SFSWAP: variants seen among roughly 807,000 people sequenced by gnomAD.
SFSWAP encodes splicing factor, suppressor of white-apricot homolog.
In SFSWAP, 17 loss-of-function variants were observed where a neutral mutation model predicts 100.7. The observed-to-expected ratio is 0.17, with a 90% CI of 0.12 to 0.25. The LOEUF is 0.25. Among genes scored for constraint, SFSWAP ranks in the 10% least tolerant of loss-of-function variants. The probability of loss-of-function intolerance (pLI) is 1.00; values close to 1 mark genes in which losing one functional copy is unlikely to be tolerated. For synonymous variants in SFSWAP, 504 were observed against 510.1 expected, an observed-to-expected ratio of 0.99 and a Z score of 0.16; for missense variants, 1,005 against 1,262.6, an observed-to-expected ratio of 0.80 and a Z score of 3.09.
Position 131,753,202 on chromosome 12 carries a change from CG to C in SFSWAP, c.1162del (p.Asp388ThrfsTer2). On this transcript the variant is annotated frameshift_variant, in exon 8 of 18. Coordinates refer to ENST00000261674, the MANE Select transcript of SFSWAP (RefSeq NM_004592.4). LOFTEE classifies it high-confidence loss of function. ...YCLAPPPPGIDVTTYYSTLPA... is the reference protein window; with the variant it reads ...YCLAPPPPGIXVTTYYSTLPA... ...GCCTGGCGCCGCCCCCTCCCGGAAT[CG>C]ACGTGACTACTTACTACAGCACCCT... 6.2e-7 allele frequency: 1 copy of C among 1,614,196 alleles called. No individual in the cohort carries two copies.
intron 13 of SFSWAP, among the ~76,000 whole-genome samples, chr12:131,772,722 A>C (rs927704019): frequency 2.0e-5 from 3 of 152,176 alleles, no homozygotes; most frequent in Non-Finnish European, 4.4e-5. Flanking sequence ...CCTGTGTTAC[A>C]ATCAGTGTTG....
At position 131,734,168 on chromosome 12, in the gene SFSWAP, G is replaced by A. The variant is rs1411180177; in HGVS notation, c.1081+5740G>A. Among the ~76,000 whole-genome samples, 4 of 152,262 alleles carry A rather than the reference G, an allele frequency of 2.6e-5. No individual in the cohort carries two copies. Among genetic ancestry groups the A allele is most frequent in the African/African-American group, 9.6e-5 (4 of 41,472 alleles). On this transcript the variant is annotated intron_variant, in intron 7 of 17. Transcript: ENST00000261674. The surrounding 1 kb of genome is among the most constrained non-coding windows in gnomAD (Gnocchi z 4.9). ...CGCCAGGTGGCCCCTGGCACAGAGA[G>A]CGTGTTCATCGCTGGCTCCTGCCGC...
chr12:131,747,653 A>C (rs926242694), intron 7 of SFSWAP, among the ~76,000 whole-genome samples: 2 of 152,114 alleles, frequency 1.3e-5, no homozygotes, highest in East Asian at 3.8e-4. Flanking sequence ...GGCAGGACTC[A>C]GAGCTGAATC....
chr12:131,721,947 GT>G (rs1878514735), intron 4 of SFSWAP, among the ~76,000 whole-genome samples: 1 of 152,152 alleles, frequency 6.6e-6, no homozygotes, highest in African/African-American at 2.4e-5. Flanking sequence ...ATTATTATGT[GT>G]TTTTTGGCAG....
chr12:131,728,566 C>A, intron 7 of SFSWAP, 138 bp downstream of exon 7: 1 of 911,460 alleles, frequency 1.1e-6, no homozygotes, highest in Non-Finnish European at 1.6e-6. Flanking sequence ...TGCACATGGT[C>A]CCAAGGGAGA....
At chr12:131,791,771 C>T (rs904573381) in intron 15 of SFSWAP, among the ~76,000 whole-genome samples, 22 of 152,248 alleles carry the variant, frequency 1.4e-4, no homozygotes, top group African/African-American at 4.3e-4. Flanking sequence ...AGAAGGGATA[C>T]TCTTTTTTAA....
Position 131,753,214 on chromosome 12 carries a change from TTAC to T in SFSWAP, c.1177_1179del (p.Tyr393del), listed in dbSNP as rs1881822670. On this transcript the variant is annotated inframe_deletion, in exon 8 of 18. Coordinates refer to ENST00000261674, the MANE Select transcript of SFSWAP (RefSeq NM_004592.4). ...CCCCTCCCGGAATCGACGTGACTAC[TTAC>T]TACAGCACCCTTCCTGCTGGCGTGA... 6.2e-7 allele frequency: 1 copy of T among 1,614,144 alleles called. No homozygotes were observed. The highest frequency in any genetic ancestry group is 8.5e-7 in the Non-Finnish European group (1 of 1,180,014).
chr12:131,753,683 T>C (rs575313132), intron 8 of SFSWAP, among the ~76,000 whole-genome samples: 1 of 152,362 alleles, frequency 6.6e-6, no homozygotes, highest in East Asian at 1.9e-4. Flanking sequence ...GCAAAATCAG[T>C]ATGCAGTGAA....
intron 7 of SFSWAP, among the ~76,000 whole-genome samples, chr12:131,731,555 G>A (rs1879512739): frequency 6.6e-6 from 1 of 152,192 alleles, no homozygotes; most frequent in African/African-American, 2.4e-5. Flanking sequence ...GGAACTGCCT[G>A]TAATTCATGG....
intron 15 of SFSWAP, among the ~76,000 whole-genome samples, chr12:131,792,743 T>C (rs926201373): frequency 6.6e-6 from 1 of 152,240 alleles, no homozygotes; most frequent in Non-Finnish European, 1.5e-5. Context: ...TCACAAAATA[T>C]TAGCCAACTA....
At chr12:131,763,409 C>G (rs34487642) in intron 11 of SFSWAP, among the ~76,000 whole-genome samples, 3,400 of 152,274 alleles carry the variant, frequency 0.022, 63 homozygotes, top group Non-Finnish European at 0.037. Context: ...AATACTGTAT[C>G]TTATTGCAAC....
chr12:131,734,925 G>C lies in SFSWAP; in HGVS notation c.1081+6497G>C, dbSNP rs1005115127. 4.0e-5 allele frequency among the ~76,000 whole-genome samples: 6 copies of C among 149,328 alleles called. No homozygotes were observed. Among genetic ancestry groups the C allele is most frequent in the African/African-American group, 5.1e-5 (2 of 38,926 alleles). ...CATGGGGGTGGGGTGGGGCAGTGAG[G>C]GGGGGCCCGCTCCGAGAGACAGACA... On this transcript the variant is annotated intron_variant, in intron 7 of 17. Coordinates refer to ENST00000261674, the MANE Select transcript of SFSWAP (RefSeq NM_004592.4). The surrounding 1 kb of genome is among the most constrained non-coding windows in gnomAD (Gnocchi z 4.9).
intron 15 of SFSWAP, among the ~76,000 whole-genome samples, chr12:131,793,035 G>T (rs1167273736): frequency 6.6e-6 from 1 of 152,152 alleles, no homozygotes; most frequent in African/African-American, 2.4e-5. Context: ...TACCCAAAGG[G>T]CAGGGGGCCG....
chr12:131,724,693 C>T (rs747154088), intron 4 of SFSWAP, among the ~76,000 whole-genome samples: 30 of 152,216 alleles, frequency 2.0e-4, no homozygotes, highest in East Asian at 1.7e-3. Flanking sequence ...GCATGAGGTT[C>T]GTTGAAGTGA....
At chr12:131,762,620 C>A (rs1383516095) in intron 11 of SFSWAP, among the ~76,000 whole-genome samples, 1 of 152,068 alleles carries the variant, frequency 6.6e-6, no homozygotes, top group Non-Finnish European at 1.5e-5. Flanking sequence ...GAGATAGAAT[C>A]TCACTCTGTC....
intron 9 of SFSWAP, among the ~76,000 whole-genome samples, 160 bp downstream of exon 9, chr12:131,754,659 A>C (rs921573573): frequency 2.3e-5 from 2 of 87,352 alleles, no homozygotes; most frequent in African/African-American, 4.5e-5. Flanking sequence ...TTTGAGATGG[A>C]GTCTTGCTCT....
rs1198225380 is a variant in SFSWAP, at chr12:131,733,606, C to A, written c.1081+5178C>A. ...ATTTCTTCACTGTGTTTCTTGGGGG[C>A]TCACCGACTGCAGCCGTATTCCTGG... On this transcript the variant is annotated intron_variant, in intron 7 of 17. Transcript: ENST00000261674. The surrounding 1 kb of genome is among the most constrained non-coding windows in gnomAD (Gnocchi z 5.1). Among the ~76,000 whole-genome samples the A allele has an allele frequency of 6.6e-6, 1 of 151,918 alleles. No individual in the cohort carries two copies. Among genetic ancestry groups the A allele is most frequent in the Admixed American group, 6.5e-5 (1 of 15,286 alleles).
chr12:131,728,813 C>G (rs1455436633), intron 7 of SFSWAP, among the ~76,000 whole-genome samples: 1 of 152,010 alleles, frequency 6.6e-6, no homozygotes, highest in Non-Finnish European at 1.5e-5. Flanking sequence ...GATCCTCCCA[C>G]CTCGGTCTCT....
At chr12:131,787,700 C>G (rs898407956) in intron 15 of SFSWAP, among the ~76,000 whole-genome samples, 2 of 152,142 alleles carry the variant, frequency 1.3e-5, no homozygotes, top group African/African-American at 4.8e-5. Context: ...CACTGGGACC[C>G]TCCTGCTCCT....
Sources: allele counts gnomAD v4.1 joint callset (sites outside exome capture counted in the v4.1 genomes callset), GRCh38; gene constraint gnomAD v4.1.1; non-coding constraint Gnocchi (gnomAD v3.1); transcripts MANE v1.5; gene names NCBI Gene and HGNC (gene_info 2026-07-23, HGNC 2026-07-21).